Variants in HS3ST4 observed in about 807,000 individuals in gnomAD.
HS3ST4 encodes heparan sulfate-glucosamine 3-sulfotransferase 4, also known as heparan sulfate glucosamine 3-O-sulfotransferase 4.
Under a neutral mutation model 29.2 loss-of-function variants are expected in HS3ST4, and 17 were observed. The observed-to-expected ratio is 0.58, with a 90% CI of 0.40 to 0.87. The LOEUF (loss-of-function observed/expected upper bound fraction) is 0.87, where lower values mean the gene tolerates loss of function less well. HS3ST4 is among the 40% of genes least tolerant of loss of function. The pLI, the probability that HS3ST4 is intolerant of heterozygous loss-of-function variation, is 0.00. For synonymous variants in HS3ST4, 314 were observed against 285.7 expected (o/e 1.10, Z -1.00); for missense variants, 627 against 634.5 (o/e 0.99, Z 0.13).
At chr16:25,906,645 T>G (rs777403451) in intron 1 of HS3ST4, among the ~76,000 whole-genome samples, 85 of 152,292 alleles carry the variant, frequency 5.6e-4, no homozygotes, top group Non-Finnish European at 3.5e-4. Flanking sequence ...AAGGAAACAT[T>G]TATACCTGTT....
At chr16:26,045,153 C>G (rs1157143225) in intron 1 of HS3ST4, among the ~76,000 whole-genome samples, 1 of 152,020 alleles carries the variant, frequency 6.6e-6, no homozygotes, top group African/African-American at 2.4e-5. Flanking sequence ...CAGGGTCTAC[C>G]GTGGCATTTC....
chr16:26,101,645 C>T (rs375186880), intron 1 of HS3ST4, among the ~76,000 whole-genome samples: 1 of 152,282 alleles, frequency 6.6e-6, no homozygotes, highest in South Asian at 2.1e-4. Flanking sequence ...CACTTATATG[C>T]ATAGTATCTG....
chr16:26,029,690 C>T (rs192533613), intron 1 of HS3ST4, among the ~76,000 whole-genome samples: 16 of 152,300 alleles, frequency 1.1e-4, no homozygotes, highest in African/African-American at 3.4e-4. Context: ...GGATTATAGG[C>T]GTGAGCCACT....
intron 1 of HS3ST4, among the ~76,000 whole-genome samples, chr16:25,866,530 T>A (rs1967696228): frequency 6.6e-6 from 1 of 152,130 alleles, no homozygotes; most frequent in Non-Finnish European, 1.5e-5. Context: ...CTGGAAGCCA[T>A]CATTCTCAGC....
chr16:25,893,493 C>T (rs1968030709), intron 1 of HS3ST4, among the ~76,000 whole-genome samples: 1 of 152,200 alleles, frequency 6.6e-6, no homozygotes, highest in Non-Finnish European at 1.5e-5. Context: ...CCTTGTGTCA[C>T]ATGCAAATTC....
intron 1 of HS3ST4, among the ~76,000 whole-genome samples, chr16:26,094,228 G>C (rs867290590): frequency 6.6e-6 from 1 of 152,148 alleles, no homozygotes; most frequent in South Asian, 2.1e-4. Flanking sequence ...AACCTAGCAA[G>C]GCAGGCCAAC....
chr16:25,852,109 C>T (rs916251533), intron 1 of HS3ST4, among the ~76,000 whole-genome samples: 15 of 152,070 alleles, frequency 9.9e-5, no homozygotes, highest in Non-Finnish European at 1.5e-4. Context: ...ATGTCTCATT[C>T]CAATGCACTA....
chr16:25,725,864 C>G (rs1363945740), intron 1 of HS3ST4, among the ~76,000 whole-genome samples: 1 of 152,052 alleles, frequency 6.6e-6, no homozygotes, highest in African/African-American at 2.4e-5. Flanking sequence ...ATGTTTTCCA[C>G]TTACACATAG....
chr16:25,831,675 TG>T (rs1967302490), intron 1 of HS3ST4, among the ~76,000 whole-genome samples: 1 of 152,166 alleles, frequency 6.6e-6, no homozygotes, highest in South Asian at 2.1e-4. Flanking sequence ...CACAAGAACA[TG>T]GGCCCTGTCT....
intron 1 of HS3ST4, among the ~76,000 whole-genome samples, chr16:25,970,886 T>C (rs1004849100): frequency 1.3e-5 from 2 of 152,186 alleles, no homozygotes; most frequent in African/African-American, 2.4e-5. Flanking sequence ...AGTCTCACTC[T>C]GTCGCTCAGG....
intron 1 of HS3ST4, among the ~76,000 whole-genome samples, chr16:26,079,819 A>G (rs1898704637): frequency 6.6e-6 from 1 of 152,178 alleles, no homozygotes; most frequent in Non-Finnish European, 1.5e-5. Context: ...AGACAGTCTT[A>G]AAGGCTTTAG....
At chr16:25,860,066 C>T (rs148671470) in intron 1 of HS3ST4, among the ~76,000 whole-genome samples, 5 of 152,170 alleles carry the variant, frequency 3.3e-5, no homozygotes, top group Admixed American at 6.5e-5. Flanking sequence ...TCTAATTGAC[C>T]TGAGGTGGAA....
intron 1 of HS3ST4, among the ~76,000 whole-genome samples, chr16:25,923,372 C>A (rs1486048420): frequency 1.3e-5 from 2 of 152,186 alleles, no homozygotes; most frequent in African/African-American, 2.4e-5. Flanking sequence ...GTCTCTATGT[C>A]CAAGCTGGCA....
chr16:25,750,185 T>C (rs755030524), intron 1 of HS3ST4, among the ~76,000 whole-genome samples: 4 of 152,146 alleles, frequency 2.6e-5, no homozygotes, highest in Admixed American at 1.3e-4. Context: ...GGATGGTTGA[T>C]TGGCGTTTCT....
chr16:26,055,169 C>T lies in HS3ST4; in HGVS notation c.735-80443C>T, dbSNP rs552269424. On this transcript the variant is annotated intron_variant, in intron 1 of 1. Transcript: ENST00000331351. Reference sequence around the variant, plus strand: ...TCATTCATGAGAGAGGGTCAGGGCCCTCAGCAGGGAGGCAGCCTGCTGAGG... The same window carrying T: ...TCATTCATGAGAGAGGGTCAGGGCCTTCAGCAGGGAGGCAGCCTGCTGAGG... Among the ~76,000 whole-genome samples, 5 of 151,880 alleles carry T rather than the reference C, an allele frequency of 3.3e-5. No individual in the cohort carries two copies. In the East Asian group the frequency reaches 9.7e-4, roughly 29 times the overall value.
chr16:26,070,963 T>A (rs542680769), intron 1 of HS3ST4, among the ~76,000 whole-genome samples: 1 of 152,338 alleles, frequency 6.6e-6, no homozygotes, highest in African/African-American at 2.4e-5. Flanking sequence ...TGGGGAGACA[T>A]TCTTCATTAA....
At chr16:25,763,918 T>G (rs1029665247) in intron 1 of HS3ST4, among the ~76,000 whole-genome samples, 2 of 152,184 alleles carry the variant, frequency 1.3e-5, no homozygotes, top group South Asian at 4.1e-4. Context: ...CAGGAAAGGT[T>G]GCCTGGAGAT....
rs557732809 is a variant in HS3ST4 at position 25,692,987 on chromosome 16, C to A, written c.570C>A (p.Pro190=). ...SSERGGAVST[P]DYGEKKLPQA... is the part of the protein sequence containing the mutation. ...AGAGGGGCGGCGCCGTCAGCACCCC[C>A]GACTATGGGGAGAAGAAGCTGCCAC... The change falls in exon 1 of 2, where the codon CCC becomes CCA. Residue 190 remains proline, a synonymous_variant. Transcript: ENST00000331351. 1 of 1,611,220 alleles carries A rather than the reference C, an allele frequency of 6.2e-7. No individual in the cohort carries two copies. The highest frequency in any genetic ancestry group is 8.5e-7 in the Non-Finnish European group (1 of 1,179,366).
chr16:26,007,938 A>G (rs1245470894), intron 1 of HS3ST4, among the ~76,000 whole-genome samples: 2 of 151,378 alleles, frequency 1.3e-5, no homozygotes, highest in African/African-American at 4.9e-5. Flanking sequence ...TAAAGCAGGA[A>G]TTCGGTACAT....
Sources: gnomAD v4.1 joint callset for allele counts (sites outside exome capture counted in the v4.1 genomes callset) on GRCh38, gnomAD v4.1.1 for gene constraint, MANE v1.5 for transcripts, NCBI Gene and HGNC (gene_info 2026-07-23, HGNC 2026-07-21) for gene names.